Variants in GFI1 observed in about 807,000 individuals in gnomAD.
GFI1 encodes zinc finger protein Gfi-1.
GFI1 carries 15 observed loss-of-function variants against 39.2 expected under a neutral mutation model. The observed-to-expected ratio is 0.38, with a 90% CI of 0.26 to 0.59. The LOEUF (loss-of-function observed/expected upper bound fraction) is 0.59. Among genes scored for constraint, GFI1 ranks in the 20% least tolerant of loss-of-function variants. The pLI is 0.62. For missense variants in GFI1, 475 were observed against 574.0 expected (o/e 0.83, Z 1.76); for synonymous variants, 239 against 254.3 (o/e 0.94, Z 0.57).
In GFI1 at chr1:92,481,040, G is replaced by A; in HGVS notation, c.347C>T (p.Pro116Leu). ...CPSLDEAQPF[P>L]LPFKPYSWSG... The stretch of plus-strand genomic sequence containing the variant: ...CCATGAGTACGGTTTGAAAGGCAGG[G>A]GGAAGGGCTGGGCTTCGTCCAGCGA... Residue 116 changes from proline (P) to leucine (L), a missense_variant, in exon 4 of 7, where the codon CCC (proline) becomes CTC (leucine). This residue lies in a region of GFI1 where 275 missense variants were observed against 275.8 expected (regional missense o/e 1.00). Transcript: ENST00000294702. This position sits in a 1 kb window ranked among gnomAD's most constrained non-coding sequence, Gnocchi z 4.3. 1 of 1,612,052 alleles carries A rather than the reference G, an allele frequency of 6.2e-7. No homozygotes were observed. The highest frequency in any genetic ancestry group is 1.1e-5 in the South Asian group (1 of 91,006).
chr1:92,483,681 G>A (rs1658400925), intron 1 of GFI1, 95 bp from the exon 2 acceptor site: 2 of 637,036 alleles, frequency 3.1e-6, no homozygotes, highest in Non-Finnish European at 5.7e-6. Context: ...GGGCCAGGGA[G>A]GCGCGCAGAG....
rs781673313 is a variant in GFI1, at chr1:92,480,915, C to T, written c.472G>A (p.Ala158Thr). ...GAGLGLFCEP[A>T]PEPGHPAALY... ...GCGGCCGGGTGGCCAGGCTCCGGGG[C>T]GGGTTCGCAGAAGAGGCCCAGGCCA... Residue 158 changes from alanine (A) to threonine (T), a missense_variant, in exon 4 of 7, where the codon GCC becomes ACC. By Grantham distance (58) the Ala-to-Thr change is moderately conservative (BLOSUM62 0). Coordinates refer to ENST00000294702, the MANE Select transcript of GFI1 (RefSeq NM_005263.5). The surrounding 1 kb of genome is among the most constrained non-coding windows in gnomAD (Gnocchi z 5.6). 4 of 1,551,748 alleles carry T rather than the reference C, an allele frequency of 2.6e-6. No homozygotes were observed. Among genetic ancestry groups the T allele is most frequent in the Admixed American group, 3.9e-5 (2 of 51,294 alleles).
At chr1:92,483,345 C>A (rs1339753403) in intron 2 of GFI1, 28 bp downstream of exon 2, 2 of 1,295,036 alleles carry the variant, frequency 1.5e-6, no homozygotes, top group Admixed American at 3.5e-5. Context: ...GGGGGAGCAG[C>A]CCCGCCTGGC....
chr1:92,479,650 G>C (rs535663836), intron 5 of GFI1, among the ~76,000 whole-genome samples: 1 of 152,304 alleles, frequency 6.6e-6, no homozygotes, highest in South Asian at 2.1e-4. Context: ...CCAGGAGTTC[G>C]TGACCAGCCT....
intron 1 of GFI1, among the ~76,000 whole-genome samples, chr1:92,485,339 G>T (rs1658477191): frequency 6.6e-6 from 1 of 152,232 alleles, no homozygotes; most frequent in Non-Finnish European, 1.5e-5. Context: ...AAAGAAAAAC[G>T]GAGTGGCGTT....
At position 92,481,021 on chromosome 1, in the gene GFI1, G is replaced by A. The variant is rs758029930; in HGVS notation, c.366C>T (p.Tyr122=). 2.5e-6 allele frequency: 4 copies of A among 1,611,926 alleles called. No individual in the cohort carries two copies. Among genetic ancestry groups the A allele is most frequent in the South Asian group, 1.1e-5 (1 of 90,944 alleles). ...AQPFPLPFKP[Y]SWSGLAGSDL... Reference sequence around the variant, plus strand: ...CAGAACCCGCCAGGCCGCTCCATGAGTACGGTTTGAAAGGCAGGGGGAAGG... The same window carrying A: ...CAGAACCCGCCAGGCCGCTCCATGAATACGGTTTGAAAGGCAGGGGGAAGG... Residue 122 remains tyrosine (Y), a synonymous_variant, in exon 4 of 7, where the codon TAC becomes TAT. Transcript: ENST00000294702. The surrounding 1 kb of genome is among the most constrained non-coding windows in gnomAD (Gnocchi z 4.3).
Position 92,480,441 on chromosome 1 carries a change from G to A in GFI1, c.831C>T (p.Ser277=). 3 of 1,550,410 alleles carry A rather than the reference G, an allele frequency of 1.9e-6. No homozygotes were observed. Among genetic ancestry groups the A allele is most frequent in the Non-Finnish European group, 2.6e-6 (3 of 1,146,660 alleles). ...AGGCAAAGGGTCTGGTACCGCTGTG[G>A]GACCTGCGCACGTGCACCTCGAGCC... ...PHGLEVHVRR[S]HSGTRPFACE... is the part of the protein sequence containing the mutation. The change falls in exon 5 of 7, where the codon TCC becomes TCT. Residue 277 remains serine, a synonymous_variant. Transcript: ENST00000294702. This position sits in a 1 kb window ranked among gnomAD's most constrained non-coding sequence, Gnocchi z 5.6.
At position 92,483,398 on chromosome 1, in the gene GFI1, C is replaced by T; in HGVS notation, c.90G>A (p.Glu30=). The T allele has an allele frequency of 1.9e-6, 3 of 1,611,848 alleles. No individual in the cohort carries two copies. Among genetic ancestry groups the T allele is most frequent in the Non-Finnish European group, 2.5e-6 (3 of 1,178,088 alleles). Residue 30 remains glutamate, a synonymous_variant, in exon 2 of 7, where the codon GAG becomes GAA. Transcript: ENST00000294702. ...CTGCTCGGCTAGGCGCCGGTACATT[C>T]TCTAAACGGAGGGAATAGTCTGGTC... ...SPGPDYSLRL[E]NVPAPSRADS...
chr1:92,477,208 T>C (rs1415532335), intron 6 of GFI1, among the ~76,000 whole-genome samples: 1 of 152,188 alleles, frequency 6.6e-6, no homozygotes, highest in Non-Finnish European at 1.5e-5. Flanking sequence ...CCCTTTAGGG[T>C]CAAACAAATC....
rs1053842376 is a variant in GFI1, at chr1:92,474,237, A to T, written c.*1792T>A. Among the ~76,000 whole-genome samples the T allele has an allele frequency of 2.6e-5, 4 of 152,148 alleles. No individual in the cohort carries two copies. The highest frequency in any genetic ancestry group is 5.9e-5 in the Non-Finnish European group (4 of 68,022). On this transcript the variant is annotated 3_prime_UTR_variant, in exon 7 of 7. Transcript: ENST00000294702. The stretch of plus-strand genomic sequence containing the variant: ...CAATCTCACACTTTTTTTCCTTTCC[A>T]GTCTCCACAGAATCAAAGCGGTCAG...
Position 92,475,471 on chromosome 1 carries a change from G to A in GFI1, c.*558C>T. 6.2e-6 allele frequency: 1 copy of A among 161,744 alleles called. No homozygotes were observed. The allele number at this position is 161,744 out of a possible 1,614,324, so 10.0% of individuals were successfully genotyped here. A position where few individuals can be genotyped will look rare whatever the true frequency, so the allele number is the denominator to read the frequency against. ...TTTCTGAATCAGTTTTTGAGGAGGA[G>A]AAATGATTCCTCCAAGATTTATAGG... On this transcript the variant is annotated 3_prime_UTR_variant, in exon 7 of 7. Coordinates refer to ENST00000294702, the MANE Select transcript of GFI1 (RefSeq NM_005263.5).
In GFI1 at chr1:92,473,795, C is replaced by T. The variant is rs1162829791; in HGVS notation, c.*2234G>A. Among the ~76,000 whole-genome samples, 2 of 152,214 alleles carry T rather than the reference C, an allele frequency of 1.3e-5. No individual in the cohort carries two copies. The highest frequency in any genetic ancestry group is 2.4e-5 in the African/African-American group (1 of 41,450). ...CAGGAGCTTATTTTCTGTTTATTCA[C>T]TTAACATCTCAGTAAATATTTATTA... On this transcript the variant is annotated 3_prime_UTR_variant, in exon 7 of 7. Coordinates refer to ENST00000294702, the MANE Select transcript of GFI1 (RefSeq NM_005263.5).
In GFI1 at chr1:92,484,832, A is replaced by C. The variant is rs1367982614; in HGVS notation, c.-99-1246T>G. On this transcript the variant is annotated intron_variant, in intron 1 of 6. Transcript: ENST00000294702. The surrounding 1 kb of genome is among the most constrained non-coding windows in gnomAD (Gnocchi z 4.1). ...GTGACCGGGTTCACACGTGAGCTGC[A>C]GTACAGCAGTTCTCCGTGGCCTCGG... 1 of 152,288 alleles carries C rather than the reference A, an allele frequency of 6.6e-6. No homozygotes were observed. Among genetic ancestry groups the C allele is most frequent in the Admixed American group, 6.5e-5 (1 of 15,284 alleles). 9.4% of individuals were successfully genotyped at this position (152,288 alleles called of 1,614,324 possible).
rs766732454 is a variant in GFI1 at position 92,481,011 on chromosome 1, C to A, written c.376G>T (p.Gly126Cys). The A allele has an allele frequency of 1.2e-6, 2 of 1,611,250 alleles. No individual in the cohort carries two copies. The highest frequency in any genetic ancestry group is 3.3e-5 in the Admixed American group (2 of 59,842). ...PLPFKPYSWS[G>C]LAGSDLRHLV... is the part of the protein sequence containing the mutation. Reference sequence around the variant, plus strand: ...TGCCGCAGGTCAGAACCCGCCAGGCCGCTCCATGAGTACGGTTTGAAAGGC... The same window carrying A: ...TGCCGCAGGTCAGAACCCGCCAGGCAGCTCCATGAGTACGGTTTGAAAGGC... Residue 126 changes from glycine to cysteine, a missense_variant, in exon 4 of 7, where the codon GGC becomes TGC. Physicochemically the swap from Gly to Cys is radical, Grantham distance 159. Coordinates refer to ENST00000294702, the MANE Select transcript of GFI1 (RefSeq NM_005263.5). This position sits in a 1 kb window ranked among gnomAD's most constrained non-coding sequence, Gnocchi z 4.3.
At chr1:92,485,200 G>A (rs1166183166) in intron 1 of GFI1, among the ~76,000 whole-genome samples, 3 of 152,192 alleles carry the variant, frequency 2.0e-5, no homozygotes, top group Non-Finnish European at 4.4e-5. Flanking sequence ...AGGGGTGAGA[G>A]TGCCATCCGC....
Position 92,481,175 on chromosome 1 carries a change from G to T in GFI1, c.299-87C>A. 1 of 1,174,622 alleles carries T rather than the reference G, an allele frequency of 8.5e-7. No homozygotes were observed. Among genetic ancestry groups the T allele is most frequent in the Non-Finnish European group, 1.2e-6 (1 of 809,824 alleles). The allele number at this position is 1,174,622 out of a possible 1,614,324, so 72.8% of individuals were successfully genotyped here. ...CTGCGGCTGCGAGCGTGGCGTGTTC[G>T]CGGACTGCGGGGCACCCAGCGCTTG... On this transcript the variant is annotated intron_variant, in intron 3 of 6. Transcript: ENST00000294702. This position sits in a 1 kb window ranked among gnomAD's most constrained non-coding sequence, Gnocchi z 4.3.
intron 2 of GFI1, 38 bp downstream of exon 2, chr1:92,483,334 CG>C: frequency 1.7e-6 from 2 of 1,167,680 alleles, no homozygotes. Context: ...AGTAGGCATC[CG>C]GGGGAGCAGC....
rs746141709 is a variant in GFI1, at chr1:92,478,712, C to T, written c.966G>A (p.Lys322=). The part of the protein sequence containing the change: ...FDCKICGKSF[K]RSSTLSTHLL... Reference sequence around the variant, plus strand: ...GGTGTGTGGACAGTGTGGATGACCTCTTGAAGCTCTTCCCACAGATCTTAC... The same window carrying T: ...GGTGTGTGGACAGTGTGGATGACCTTTTGAAGCTCTTCCCACAGATCTTAC... Residue 322 remains lysine, a synonymous_variant, in exon 6 of 7, where the codon AAG becomes AAA. Coordinates refer to ENST00000294702, the MANE Select transcript of GFI1 (RefSeq NM_005263.5). 1.2e-6 allele frequency: 2 copies of T among 1,612,148 alleles called. No homozygotes were observed. Among genetic ancestry groups the T allele is most frequent in the Non-Finnish European group, 1.7e-6 (2 of 1,179,528 alleles).
Position 92,475,752 on chromosome 1 carries a change from T to C in GFI1, c.*277A>G. On this transcript the variant is annotated 3_prime_UTR_variant, in exon 7 of 7. Transcript: ENST00000294702. ...ATTTATTCTGGTCCCCATTTGACTT[T>C]GCCTTTGTCTTCAGGTGTAGAGGAG... The C allele has an allele frequency of 2.1e-6, 1 of 486,508 alleles. No homozygotes were observed. Among genetic ancestry groups the C allele is most frequent in the Non-Finnish European group, 3.8e-6 (1 of 264,762 alleles). 30.1% of individuals were successfully genotyped at this position (486,508 alleles called of 1,614,324 possible).
Sources: allele counts gnomAD v4.1 joint callset (sites outside exome capture counted in the v4.1 genomes callset), GRCh38; gene constraint gnomAD v4.1.1; regional missense constraint gnomAD v4.1.1; non-coding constraint Gnocchi (gnomAD v3.1); transcripts MANE v1.5; gene names NCBI Gene and HGNC (gene_info 2026-07-23, HGNC 2026-07-21).